TBCEL: variants seen among roughly 807,000 people sequenced by gnomAD.
The protein encoded by TBCEL is tubulin-specific chaperone cofactor E-like protein.
Under a neutral mutation model 44.2 loss-of-function variants are expected in TBCEL, and 15 were observed. The observed-to-expected ratio is 0.34, with a 90% confidence interval of 0.23 to 0.52. The LOEUF is 0.52. Among genes scored for constraint, TBCEL ranks in the 20% least tolerant of loss-of-function variants. TBCEL has a pLI of 0.95. For missense variants in TBCEL, 319 were observed against 506.3 expected, an observed-to-expected ratio of 0.63 and a Z score of 3.55; for synonymous variants, 171 against 185.4, an observed-to-expected ratio of 0.92 and a Z score of 0.63.
At position 121,058,412 on chromosome 11, in the gene TBCEL, A is replaced by G; in HGVS notation, c.780A>G (p.Leu260=). ...CCAAACTGGAAGAAGTGAGATTGTT[A>G]GGAATTCCTCTTCTGCAGCCATATA... ...SFPKLEEVRL[L]GIPLLQPYTT... is the part of the protein sequence containing the mutation. Residue 260 remains leucine, a synonymous_variant, in exon 7 of 9, where the codon TTA becomes TTG. Coordinates refer to ENST00000683345, the MANE Select transcript of TBCEL (RefSeq NM_001363644.2). The G allele has an allele frequency of 6.2e-7, 1 of 1,612,120 alleles. No homozygotes were observed. The highest frequency in any genetic ancestry group is 1.1e-5 in the South Asian group (1 of 91,032).
At chr11:121,048,992 A>G (rs1945482585) in intron 4 of TBCEL, among the ~76,000 whole-genome samples, 1 of 151,866 alleles carries the variant, frequency 6.6e-6, no homozygotes, top group Non-Finnish European at 1.5e-5. Flanking sequence ...CACCTACACT[A>G]TACCACTGTG....
chr11:121,072,852 C>A (rs1945961290), intron 8 of TBCEL, among the ~76,000 whole-genome samples: 2 of 152,174 alleles, frequency 1.3e-5, no homozygotes, highest in African/African-American at 4.8e-5. Context: ...TGACTTAAAT[C>A]TACCTGGAAT....
At chr11:121,071,977 G>A (rs148377468) in intron 8 of TBCEL, among the ~76,000 whole-genome samples, 21 of 152,248 alleles carry the variant, frequency 1.4e-4, no homozygotes, top group East Asian at 1.9e-4. Flanking sequence ...GACAAGGGCC[G>A]TGACACAGCA....
At chr11:121,029,331 A>C (rs1326777758) in intron 1 of TBCEL, among the ~76,000 whole-genome samples, 2 of 152,178 alleles carry the variant, frequency 1.3e-5, no homozygotes, top group Non-Finnish European at 2.9e-5. Context: ...TTTGACTCAT[A>C]TCAGCTCCTC....
intron 6 of TBCEL, chr11:121,057,468 A>C: frequency 3.1e-6 from 1 of 323,892 alleles, no homozygotes; most frequent in South Asian, 2.7e-5. Flanking sequence ...TCCTTACTCA[A>C]AGGTTCAGGT....
At chr11:121,054,080 G>A (rs1223128820) in intron 5 of TBCEL, among the ~76,000 whole-genome samples, 1 of 151,890 alleles carries the variant, frequency 6.6e-6, no homozygotes, top group Non-Finnish European at 1.5e-5. Flanking sequence ...AAAAGTCATA[G>A]TATCACTAAA....
rs1190732730 is a variant in TBCEL, at chr11:121,090,739, GATA to G, written c.*3646_*3648del. ...TGCACTTTTTATTAATATATATATA[GATA>G]ATCTTTAAAAAAATTAAAATTCAAG... On this transcript the variant is annotated 3_prime_UTR_variant, in exon 9 of 9. Coordinates refer to ENST00000683345, the MANE Select transcript of TBCEL (RefSeq NM_001363644.2). 1.3e-5 allele frequency: 2 copies of G among 150,508 alleles called. No individual in the cohort carries two copies. Among genetic ancestry groups the G allele is most frequent in the Non-Finnish European group, 3.0e-5 (2 of 67,722 alleles). 9.3% of individuals were successfully genotyped at this position (150,508 alleles called of 1,614,324 possible).
chr11:121,041,872 GA>G (rs1426248329), intron 2 of TBCEL, among the ~76,000 whole-genome samples: 1 of 139,888 alleles, frequency 7.1e-6, no homozygotes, highest in Non-Finnish European at 1.5e-5. Context: ...ATGTATCCTG[GA>G]AAATGACCAA....
intron 8 of TBCEL, among the ~76,000 whole-genome samples, chr11:121,076,372 C>T (rs1164500608): frequency 6.6e-6 from 1 of 151,714 alleles, no homozygotes; most frequent in Non-Finnish European, 1.5e-5. Context: ...GTGTATTTTC[C>T]ACATAAGGAT....
chr11:121,037,568 T>G (rs1945254533), intron 2 of TBCEL, among the ~76,000 whole-genome samples: 1 of 152,222 alleles, frequency 6.6e-6, no homozygotes, highest in Non-Finnish European at 1.5e-5. Context: ...TCCAAAAACT[T>G]ACTAATGGAA....
intron 8 of TBCEL, among the ~76,000 whole-genome samples, chr11:121,066,400 T>C (rs970405501): frequency 6.6e-6 from 1 of 152,240 alleles, no homozygotes; most frequent in Non-Finnish European, 1.5e-5. Context: ...TCTACTCCTC[T>C]TCAGTTTGTA....
At chr11:121,061,266 CAT>C (rs1945715907) in intron 8 of TBCEL, among the ~76,000 whole-genome samples, 1 of 151,826 alleles carries the variant, frequency 6.6e-6, no homozygotes, top group Non-Finnish European at 1.5e-5. Context: ...TTTAATCTAA[CAT>C]ATTAATGGAT....
At chr11:121,029,874 A>G (rs1333406142) in intron 1 of TBCEL, among the ~76,000 whole-genome samples, 2 of 152,172 alleles carry the variant, frequency 1.3e-5, no homozygotes, top group East Asian at 1.9e-4. Context: ...CATTTATCCA[A>G]TGAATATTTT....
chr11:121,048,443 A>G (rs1191101818), intron 4 of TBCEL, among the ~76,000 whole-genome samples: 2 of 151,894 alleles, frequency 1.3e-5, no homozygotes, highest in Non-Finnish European at 1.5e-5. Context: ...ACCTGCTTAT[A>G]ACATTACCTG....
intron 2 of TBCEL, among the ~76,000 whole-genome samples, chr11:121,041,911 CAAAAA>C (rs201192130): frequency 2.4e-5 from 2 of 84,994 alleles, no homozygotes; most frequent in Non-Finnish European, 2.6e-5. Flanking sequence ...GCTTTTCAGT[CAAAAA>C]AAAAAAAAAA....
At chr11:121,064,711 G>A (rs1455169405) in intron 8 of TBCEL, among the ~76,000 whole-genome samples, 1 of 152,110 alleles carries the variant, frequency 6.6e-6, no homozygotes, top group East Asian at 1.9e-4. Context: ...TATTTTCAAG[G>A]TCTTGGAGTA....
At chr11:121,057,537 TACAGTCA>T (rs1243174103) in intron 6 of TBCEL, 21 of 443,756 alleles carry the variant, frequency 4.7e-5, no homozygotes, top group South Asian at 3.5e-4. Context: ...AAATTGATAA[TACAGTCA>T]ACCCTCCATA....
At chr11:121,034,415 C>T (rs1452781262) in intron 1 of TBCEL, among the ~76,000 whole-genome samples, 6 of 152,036 alleles carry the variant, frequency 3.9e-5, no homozygotes, top group African/African-American at 1.2e-4. Context: ...CATGATGGCA[C>T]CTCTTTTGGA....
At position 121,074,476 on chromosome 11, in the gene TBCEL, A is replaced by G. The variant is rs78178119; in HGVS notation, c.957-12302A>G. 3.3e-3 allele frequency among the ~76,000 whole-genome samples: 507 copies of G among 152,150 alleles called. 1 individual carries two copies. Among genetic ancestry groups the G allele is most frequent in the Non-Finnish European group, 5.9e-3 (400 of 67,884 alleles). On this transcript the variant is annotated intron_variant, in intron 8 of 8. Coordinates refer to ENST00000683345, the MANE Select transcript of TBCEL (RefSeq NM_001363644.2). ...GTCTTTGTGATTTTAAAAATGTACT[A>G]TATCAATATTCATCTTTTTATTCAT...
Sources: allele counts gnomAD v4.1 joint callset (sites outside exome capture counted in the v4.1 genomes callset), GRCh38; gene constraint gnomAD v4.1.1; transcripts MANE v1.5; gene names NCBI Gene and HGNC (gene_info 2026-07-23, HGNC 2026-07-21).